Variants in TRIM44 observed in about 807,000 individuals in gnomAD.
TRIM44 encodes the protein tripartite motif-containing protein 44.
In TRIM44, 13 loss-of-function variants were observed where a neutral mutation model predicts 37.4. The observed-to-expected ratio is 0.35, with a 90% CI of 0.23 to 0.55. The LOEUF (loss-of-function observed/expected upper bound fraction) is 0.55, where lower values mean the gene tolerates loss of function less well. TRIM44 is among the 20% of genes least tolerant of loss of function. TRIM44 has a pLI of 0.89. For missense variants in TRIM44, 426 were observed against 437.2 expected (o/e 0.97, Z 0.23); for synonymous variants, 175 against 157.2 (o/e 1.11, Z -0.85).
intron 2 of TRIM44, among the ~76,000 whole-genome samples, chr11:35,716,059 A>G (rs764922131): frequency 2.6e-5 from 4 of 152,148 alleles, no homozygotes; most frequent in Non-Finnish European, 4.4e-5. Flanking sequence ...ACCATATCCA[A>G]AAGCATTTGT....
At chr11:35,741,420 G>T (rs936639900) in intron 4 of TRIM44, among the ~76,000 whole-genome samples, 4 of 152,158 alleles carry the variant, frequency 2.6e-5, no homozygotes, top group African/African-American at 9.7e-5. Flanking sequence ...TTTATTTTGT[G>T]CATGTTAGTA....
chr11:35,717,601 C>G (rs1852053632), intron 2 of TRIM44, among the ~76,000 whole-genome samples: 2 of 152,290 alleles, frequency 1.3e-5, no homozygotes, highest in Admixed American at 6.5e-5. Flanking sequence ...TAAACTCTTT[C>G]TCTATTGTAA....
At chr11:35,681,237 A>G (rs1246839158) in intron 1 of TRIM44, among the ~76,000 whole-genome samples, 4 of 152,038 alleles carry the variant, frequency 2.6e-5, no homozygotes, top group Non-Finnish European at 5.9e-5. Context: ...TTCACCAGCC[A>G]TTTTTTTCAG....
Position 35,812,888 on chromosome 11 carries a change from G to C in TRIM44, c.*6503G>C, listed in dbSNP as rs1179827713. 3 of 152,178 alleles carry C rather than the reference G, an allele frequency of 2.0e-5. No homozygotes were observed. The highest frequency in any genetic ancestry group is 4.8e-5 in the African/African-American group (2 of 41,448). The allele number at this position is 152,178 out of a possible 1,614,324, so 9.4% of individuals were successfully genotyped here. ...TTTGGAAGGGAGAACTGTTAGACTT[G>C]CTTTATCTTCTTTATTCCAAGGCCA... On this transcript the variant is annotated 3_prime_UTR_variant, in exon 5 of 5. Coordinates refer to ENST00000299413, the MANE Select transcript of TRIM44 (RefSeq NM_017583.6).
chr11:35,767,639 A>G (rs985236684), intron 4 of TRIM44, among the ~76,000 whole-genome samples: 5 of 152,074 alleles, frequency 3.3e-5, no homozygotes, highest in Admixed American at 1.3e-4. Flanking sequence ...ACCACTTCAG[A>G]TGTATTATTT....
chr11:35,800,059 T>G (rs971299649), intron 4 of TRIM44, among the ~76,000 whole-genome samples: 1 of 20,996 alleles, frequency 4.8e-5, no homozygotes, highest in African/African-American at 1.2e-4. Flanking sequence ...GGGTTCTTGA[T>G]CTCGCTGACT....
At chr11:35,780,293 G>GTTA (rs1235331940) in intron 4 of TRIM44, among the ~76,000 whole-genome samples, 1 of 152,134 alleles carries the variant, frequency 6.6e-6, no homozygotes, top group East Asian at 1.9e-4. Context: ...ATAAGTTGAT[G>GTTA]TAAGGTTAAG....
chr11:35,764,347 C>A (rs936588640), intron 4 of TRIM44, among the ~76,000 whole-genome samples: 1 of 152,162 alleles, frequency 6.6e-6, no homozygotes, highest in African/African-American at 2.4e-5. Context: ...TCTGATAAAC[C>A]CAGACAGGTC....
At chr11:35,721,651 A>G (rs1852108667) in intron 2 of TRIM44, among the ~76,000 whole-genome samples, 1 of 152,214 alleles carries the variant, frequency 6.6e-6, no homozygotes, top group African/African-American at 2.4e-5. Context: ...CACTTCAGTA[A>G]ACTTTTGTCC....
In TRIM44 at chr11:35,663,171, G is replaced by C; in HGVS notation, c.60G>C (p.Glu20Asp). 2.5e-6 allele frequency: 4 copies of C among 1,572,118 alleles called. No individual in the cohort carries two copies. The highest frequency in any genetic ancestry group is 3.5e-6 in the Non-Finnish European group (4 of 1,159,034). ...TGCCTCACGACGGCACGTGTGACGA[G>C]TGCGAGCCCGACGAGGCTCCGGGGG... is the stretch of plus-strand genomic sequence containing the variant. ...EELPHDGTCD[E>D]CEPDEAPGAE... The change falls in exon 1 of 5, where the codon GAG (glutamate) becomes GAC (aspartate). Residue 20 changes from glutamate (E) to aspartate (D), a missense_variant. Transcript: ENST00000299413.
intron 4 of TRIM44, among the ~76,000 whole-genome samples, chr11:35,781,529 C>T (rs1853065685): frequency 6.6e-6 from 1 of 152,054 alleles, no homozygotes; most frequent in Non-Finnish European, 1.5e-5. Context: ...TCCAGATATG[C>T]CAGAGTCAGT....
chr11:35,735,593 G>C (rs577341568), intron 4 of TRIM44, 148 bp downstream of exon 4: 2 of 775,306 alleles, frequency 2.6e-6, no homozygotes, highest in East Asian at 5.3e-5. Flanking sequence ...ATCTTATTTT[G>C]TAAGACTCCC....
chr11:35,697,396 T>A (rs1457909688), intron 2 of TRIM44, among the ~76,000 whole-genome samples: 6 of 150,788 alleles, frequency 4.0e-5, no homozygotes, highest in Non-Finnish European at 8.9e-5. Flanking sequence ...CATAAACTCA[T>A]CCTTTTTTAT....
At chr11:35,714,980 G>A (rs1852020770) in intron 2 of TRIM44, among the ~76,000 whole-genome samples, 4 of 152,186 alleles carry the variant, frequency 2.6e-5, no homozygotes. Flanking sequence ...GAATTTTTTT[G>A]TTTGCTCAGA....
intron 4 of TRIM44, among the ~76,000 whole-genome samples, chr11:35,741,549 A>G (rs944145826): frequency 6.6e-6 from 1 of 152,106 alleles, no homozygotes; most frequent in Non-Finnish European, 1.5e-5. Context: ...ACATACATCT[A>G]CCTACTTTAT....
intron 4 of TRIM44, among the ~76,000 whole-genome samples, chr11:35,791,608 C>T (rs1206590710): frequency 6.6e-6 from 1 of 152,154 alleles, no homozygotes; most frequent in Non-Finnish European, 1.5e-5. Context: ...GAACTTTTCA[C>T]AGCTCCTTGA....
chr11:35,726,031 G>A lies in TRIM44; in HGVS notation c.855G>A (p.Glu285=), dbSNP rs1308452659. The part of the protein sequence containing the change: ...QKALHLVDIQ[E]AMATAHVTEI... Reference sequence around the variant, plus strand: ...CCCTTCATCTAGTGGACATCCAAGAGGCAATGGCCACAGCTCATGTGACTG... The same window carrying A: ...CCCTTCATCTAGTGGACATCCAAGAAGCAATGGCCACAGCTCATGTGACTG... The change falls in exon 3 of 5, where the codon GAG becomes GAA. Residue 285 remains glutamate (E), a synonymous_variant. Transcript: ENST00000299413. The A allele has an allele frequency of 9.9e-6, 16 of 1,614,042 alleles. No individual in the cohort carries two copies. The highest frequency in any genetic ancestry group is 1.3e-5 in the African/African-American group (1 of 74,932).
rs914144339 is a variant in TRIM44, at chr11:35,811,596, A to G, written c.*5211A>G. 6.6e-6 allele frequency: 1 copy of G among 152,190 alleles called. No individual in the cohort carries two copies. The highest frequency in any genetic ancestry group is 1.5e-5 in the Non-Finnish European group (1 of 68,032). 9.4% of individuals were successfully genotyped at this position (152,190 alleles called of 1,614,324 possible). The stretch of plus-strand genomic sequence containing the variant: ...TTGAAGGACCAGAGGTTGCATTGAA[A>G]TCAGAAGTCATATACTCAGAGGCCT... On this transcript the variant is annotated 3_prime_UTR_variant, in exon 5 of 5. Coordinates refer to ENST00000299413, the MANE Select transcript of TRIM44 (RefSeq NM_017583.6).
chr11:35,789,456 GT>G (rs5791066), intron 4 of TRIM44, among the ~76,000 whole-genome samples: 19,978 of 152,160 alleles, frequency 0.13, 1,403 homozygotes, highest in African/African-American at 0.16. Context: ...TGTGCTATAT[GT>G]TTTTACATTC....
Sources: allele counts gnomAD v4.1 joint callset (sites outside exome capture counted in the v4.1 genomes callset), GRCh38; gene constraint gnomAD v4.1.1; transcripts MANE v1.5; gene names NCBI Gene and HGNC (gene_info 2026-07-23, HGNC 2026-07-21).